Variants in POLE2 observed in about 807,000 individuals in gnomAD.
POLE2 encodes the protein DNA polymerase epsilon 2, accessory subunit, also known as DNA polymerase epsilon subunit 2.
Under a neutral mutation model 79.4 loss-of-function variants are expected in POLE2, and 56 were observed. The observed-to-expected ratio is 0.71, with a 90% CI of 0.57 to 0.88. POLE2 has a LOEUF of 0.88. Among genes scored for constraint, POLE2 ranks in the 40% least tolerant of loss-of-function variants. POLE2 has a pLI of 0.00. For synonymous variants in POLE2, 212 were observed against 214.0 expected, an observed-to-expected ratio of 0.99 and a Z score of 0.08; for missense variants, 598 against 638.9, an observed-to-expected ratio of 0.94 and a Z score of 0.69.
chr14:49,679,699 G>A (rs1566568770), intron 3 of POLE2, 26 bp downstream of exon 3: 1 of 1,328,434 alleles, frequency 7.5e-7, no homozygotes, highest in Non-Finnish European at 1.1e-6. Context: ...CTCCAAGGAG[G>A]AAAAAAGTTA....
At position 49,674,441 on chromosome 14, in the gene POLE2, C is replaced by T. The variant is rs1446741675; in HGVS notation, c.246-14G>A. On this transcript the variant is annotated splice_polypyrimidine_tract_variant and intron_variant, in intron 3 of 18. Transcript: ENST00000216367. The stretch of plus-strand genomic sequence containing the variant: ...AAAACGTGCTCTCTGAAAAACATCC[C>T]ACAAAATACAGACCTGATTTACTAA... The T allele has an allele frequency of 6.5e-7, 1 of 1,528,044 alleles. No homozygotes were observed. Among genetic ancestry groups the T allele is most frequent in the Admixed American group, 1.7e-5 (1 of 59,016 alleles). 94.7% of individuals were successfully genotyped at this position (1,528,044 alleles called of 1,614,324 possible). A position where few individuals can be genotyped will look rare whatever the true frequency, so the allele number is the denominator to read the frequency against.
chr14:49,654,963 T>C (rs1884543640), intron 12 of POLE2, 42 bp downstream of exon 12: 1 of 1,411,118 alleles, frequency 7.1e-7, no homozygotes, highest in African/African-American at 1.5e-5. Context: ...CTTTAGTTTA[T>C]ATGACTATAG....
At chr14:49,682,599 T>G (rs771475887) in intron 2 of POLE2, among the ~76,000 whole-genome samples, 42 of 128,104 alleles carry the variant, frequency 3.3e-4, no homozygotes, top group Non-Finnish European at 5.1e-4. Context: ...ATAGCACCAC[T>G]GCATTCCAGC....
intron 10 of POLE2, among the ~76,000 whole-genome samples, chr14:49,660,937 T>G (rs1359154022): frequency 7.2e-5 from 11 of 152,074 alleles, no homozygotes; most frequent in African/African-American, 2.7e-4. Context: ...CCTTCTTTTT[T>G]GGGGGGTAGG....
intron 15 of POLE2, among the ~76,000 whole-genome samples, chr14:49,652,704 G>A (rs753368248): frequency 4.6e-5 from 7 of 152,002 alleles, no homozygotes; most frequent in South Asian, 2.1e-4. Flanking sequence ...AGATGGGACC[G>A]TCTGGTTTCA....
intron 18 of POLE2, among the ~76,000 whole-genome samples, chr14:49,645,419 G>T (rs1883695015): frequency 6.6e-6 from 1 of 152,162 alleles, no homozygotes; most frequent in African/African-American, 2.4e-5. Context: ...TGGCAAGAAG[G>T]CCAGATTATT....
At chr14:49,661,274 T>A (rs1885081137) in intron 10 of POLE2, among the ~76,000 whole-genome samples, 2 of 152,284 alleles carry the variant, frequency 1.3e-5, no homozygotes, top group African/African-American at 4.8e-5. Context: ...CAAGTGATAA[T>A]GTACAGAAAG....
chr14:49,676,384 T>C (rs1016111623), intron 3 of POLE2, among the ~76,000 whole-genome samples: 2 of 152,112 alleles, frequency 1.3e-5, no homozygotes, highest in African/African-American at 4.8e-5. Context: ...TCACTGAACT[T>C]GAGGAAAACC....
At chr14:49,672,850 G>C (rs1885998967) in intron 5 of POLE2, among the ~76,000 whole-genome samples, 1 of 151,984 alleles carries the variant, frequency 6.6e-6, no homozygotes, top group African/African-American at 2.4e-5. Context: ...CATCCTTGCA[G>C]TTCCATTTTT....
chr14:49,654,066 G>A lies in POLE2; in HGVS notation c.1135C>T (p.Pro379Ser). 6.2e-7 allele frequency: 1 copy of A among 1,601,622 alleles called. No homozygotes were observed. The highest frequency in any genetic ancestry group is 8.6e-7 in the Non-Finnish European group (1 of 1,169,502). ...TTAGTGATGCTTTCAGCAAGTGGTG[G>A]CCTATAAAAACAATTTATGTGATAT... ...DPGFGSILPRPPLAESITNEF... is the reference protein window; with the variant it reads ...DPGFGSILPRSPLAESITNEF... The change falls in exon 15 of 19, where the codon CCA becomes TCA. Residue 379 changes from proline to serine, a missense_variant and splice_region_variant. By Grantham distance (74) the Pro-to-Ser change is moderately conservative. Coordinates refer to ENST00000216367, the MANE Select transcript of POLE2 (RefSeq NM_002692.4).
chr14:49,678,748 G>A (rs763215563), intron 3 of POLE2, among the ~76,000 whole-genome samples: 3 of 151,888 alleles, frequency 2.0e-5, no homozygotes, highest in Non-Finnish European at 2.9e-5. Context: ...CCACCACCTC[G>A]CAGGCTCAAG....
intron 10 of POLE2, among the ~76,000 whole-genome samples, chr14:49,661,877 A>G (rs1885121986): frequency 6.6e-6 from 1 of 152,222 alleles, no homozygotes; most frequent in Admixed American, 6.5e-5. Context: ...AGTTGGATTT[A>G]GAGAAAATGG....
chr14:49,658,474 T>A (rs1884872448), intron 10 of POLE2, among the ~76,000 whole-genome samples: 1 of 152,234 alleles, frequency 6.6e-6, no homozygotes. Flanking sequence ...AATTTTTTGC[T>A]GTTCTGCTAA....
Position 49,682,589 on chromosome 14 carries a change from A to G in POLE2, c.169+1004T>C, listed in dbSNP as rs1166391771. Among the ~76,000 whole-genome samples the G allele has an allele frequency of 4.7e-5, 7 of 148,278 alleles. No homozygotes were observed. In the South Asian group the frequency reaches 1.5e-3, roughly 32 times the overall value. ...GAGGCAGAGGATGCAGTGAGCCGAAATAGCACCACTGCATTCCAGCCTGGG... is the reference window on the plus strand; with the variant it reads ...GAGGCAGAGGATGCAGTGAGCCGAAGTAGCACCACTGCATTCCAGCCTGGG... On this transcript the variant is annotated intron_variant, in intron 2 of 18. Coordinates refer to ENST00000216367, the MANE Select transcript of POLE2 (RefSeq NM_002692.4).
At chr14:49,667,159 T>C (rs1486226448) in intron 6 of POLE2, among the ~76,000 whole-genome samples, 2 of 151,606 alleles carry the variant, frequency 1.3e-5, no homozygotes, top group South Asian at 2.1e-4. Context: ...CATTCCAGCC[T>C]GGGTGACAGA....
chr14:49,647,186 C>T, intron 18 of POLE2, 107 bp downstream of exon 18: 1 of 638,282 alleles, frequency 1.6e-6, no homozygotes, highest in South Asian at 2.0e-5. Flanking sequence ...CTTTATGGGC[C>T]ACTGTAGACA....
chr14:49,666,068 C>T (rs895407483), intron 7 of POLE2, among the ~76,000 whole-genome samples: 3 of 152,132 alleles, frequency 2.0e-5, no homozygotes, highest in African/African-American at 4.8e-5. Context: ...TCAGGTGATC[C>T]GCCCACCTCA....
At chr14:49,686,871 G>C (rs1355256565) in intron 1 of POLE2, among the ~76,000 whole-genome samples, 1 of 151,912 alleles carries the variant, frequency 6.6e-6, no homozygotes. Flanking sequence ...ATCTCCCAAA[G>C]CACAGTTAAA....
chr14:49,674,508 G>A (rs1886118304), intron 3 of POLE2, 81 bp from the exon 4 acceptor site: 4 of 809,612 alleles, frequency 4.9e-6, no homozygotes, highest in Non-Finnish European at 6.3e-6. Context: ...TGCATTATAA[G>A]TATTTGTAAT....
Sources: gnomAD v4.1 joint callset for allele counts (sites outside exome capture counted in the v4.1 genomes callset) on GRCh38, gnomAD v4.1.1 for gene constraint, MANE v1.5 for transcripts, NCBI Gene and HGNC (gene_info 2026-07-23, HGNC 2026-07-21) for gene names.